The following UGT1A6 variants were observed in gnomAD, a reference collection of about 807,000 sequenced individuals.
UGT1A6 encodes the protein UDP-glucuronosyltransferase 1A6.
In UGT1A6, 32 loss-of-function variants were observed where a neutral mutation model predicts 44.4. The ratio of observed to expected loss-of-function variants is 0.72; its 90% CI spans 0.54 to 0.97. UGT1A6 has a LOEUF of 0.97. UGT1A6 is among the 50% of genes least tolerant of loss of function. The probability of loss-of-function intolerance (pLI) is 0.00; values close to 1 mark genes in which losing one functional copy is unlikely to be tolerated. For synonymous variants in UGT1A6, 238 were observed against 248.5 expected, an observed-to-expected ratio of 0.96 and a Z score of 0.40; for missense variants, 685 against 661.9, an observed-to-expected ratio of 1.03 and a Z score of -0.38.
intron 1 of UGT1A6, among the ~76,000 whole-genome samples, chr2:233,712,596 T>C (rs897261003): frequency 1.3e-5 from 2 of 152,068 alleles, no homozygotes; most frequent in African/African-American, 2.4e-5. Context: ...GACCATATGG[T>C]TGGGGACTAG....
chr2:233,730,227 G>A (rs1389808961), intron 1 of UGT1A6, among the ~76,000 whole-genome samples: 1 of 152,112 alleles, frequency 6.6e-6, no homozygotes, highest in Admixed American at 6.5e-5. Context: ...TTTGTAAAAG[G>A]ATGGACAAGG....
At chr2:233,743,679 C>G (rs773832305) in intron 1 of UGT1A6, 3 of 1,367,098 alleles carry the variant, frequency 2.2e-6, no homozygotes, top group African/African-American at 3.0e-5. Context: ...AAGGGCCTGC[C>G]GCCTGTGCAG....
chr2:233,749,830 G>A (rs1694282037), intron 1 of UGT1A6, among the ~76,000 whole-genome samples: 1 of 151,888 alleles, frequency 6.6e-6, no homozygotes, highest in African/African-American at 2.4e-5. Flanking sequence ...TCTCTTTCAT[G>A]TAAGACGTGT....
intron 4 of UGT1A6, 47 bp downstream of exon 4, chr2:233,768,486 T>A: frequency 1.3e-6 from 2 of 1,583,238 alleles, no homozygotes; most frequent in East Asian, 2.3e-5. Context: ...GCATTCATGA[T>A]AAAATTGTTT....
chr2:233,753,266 G>A (rs1351102535), intron 1 of UGT1A6: 2 of 152,220 alleles, frequency 1.3e-5, no homozygotes, highest in South Asian at 2.1e-4. Flanking sequence ...CAGGCACCTT[G>A]GAGCATGTTG....
At chr2:233,742,803 G>T (rs1329943458) in intron 1 of UGT1A6, 1 of 153,428 alleles carries the variant, frequency 6.5e-6, no homozygotes, top group African/African-American at 2.4e-5. Context: ...TAAGCCAGAA[G>T]TATTGATATT....
At chr2:233,719,526 T>C (rs1307558571) in intron 1 of UGT1A6, 1 of 1,613,852 alleles carries the variant, frequency 6.2e-7, no homozygotes, top group Admixed American at 1.7e-5. Flanking sequence ...AAGTCTTGCC[T>C]CTGAGCTTTT....
chr2:233,768,093 C>G (rs1004945846), intron 3 of UGT1A6, 127 bp from the exon 4 acceptor site: 31 of 1,591,334 alleles, frequency 1.9e-5, no homozygotes, highest in Non-Finnish European at 2.5e-5. Context: ...CCCACATTTT[C>G]TTCTGCAAAT....
chr2:233,743,403 G>A (rs1209113802), intron 1 of UGT1A6: 4 of 1,297,134 alleles, frequency 3.1e-6, no homozygotes, highest in South Asian at 1.2e-5. Flanking sequence ...AGGAAGAAAG[G>A]CCCCCACTTC....
chr2:233,737,601 C>T (rs2078898961), intron 1 of UGT1A6, among the ~76,000 whole-genome samples: 1 of 152,178 alleles, frequency 6.6e-6, no homozygotes, highest in African/African-American at 2.4e-5. Flanking sequence ...GAACCAGGTA[C>T]CTCAGTTGGA....
chr2:233,704,184 C>G (rs2075771815), intron 1 of UGT1A6, among the ~76,000 whole-genome samples: 1 of 151,754 alleles, frequency 6.6e-6, no homozygotes, highest in Admixed American at 6.6e-5. Flanking sequence ...AGCCACTGTG[C>G]CTGGCCCCAT....
chr2:233,749,355 G>C (rs1054552103), intron 1 of UGT1A6, among the ~76,000 whole-genome samples: 3 of 151,804 alleles, frequency 2.0e-5, no homozygotes, highest in African/African-American at 4.9e-5. Flanking sequence ...AATTTAAATA[G>C]TGACTCTTGC....
intron 1 of UGT1A6, among the ~76,000 whole-genome samples, chr2:233,714,305 A>G (rs1432172867): frequency 6.6e-6 from 1 of 152,218 alleles, no homozygotes; most frequent in East Asian, 1.9e-4. Context: ...CTTGCAAAAG[A>G]TAGAGAGGTG....
intron 1 of UGT1A6, among the ~76,000 whole-genome samples, chr2:233,735,014 T>A (rs902605197): frequency 6.6e-6 from 1 of 152,232 alleles, no homozygotes; most frequent in Non-Finnish European, 1.5e-5. Flanking sequence ...GAGAGTTCTG[T>A]AGATGTCTAT....
chr2:233,767,753 C>G, intron 2 of UGT1A6, 96 bp from the exon 3 acceptor site: 1 of 1,599,056 alleles, frequency 6.3e-7, no homozygotes, highest in Non-Finnish European at 8.5e-7. Context: ...AAGACTGTTC[C>G]TTCAGAGGAC....
At chr2:233,758,427 T>A (rs1366242338) in intron 1 of UGT1A6, among the ~76,000 whole-genome samples, 1 of 152,228 alleles carries the variant, frequency 6.6e-6, no homozygotes, top group African/African-American at 2.4e-5. Flanking sequence ...GCAAATGAAC[T>A]CACACAGCAT....
At chr2:233,732,938 A>G (rs2078338826) in intron 1 of UGT1A6, among the ~76,000 whole-genome samples, 1 of 152,098 alleles carries the variant, frequency 6.6e-6, no homozygotes, top group South Asian at 2.1e-4. Flanking sequence ...CTTCCTATCC[A>G]TGAGCATGGA....
At chr2:233,701,688 A>T (rs1575472004) in intron 1 of UGT1A6, among the ~76,000 whole-genome samples, 1 of 152,212 alleles carries the variant, frequency 6.6e-6, no homozygotes, top group African/African-American at 2.4e-5. Context: ...GAATTAAGAA[A>T]ATCACTCAAA....
Position 233,742,350 on chromosome 2 carries a change from T to G in UGT1A6, c.862-24684T>G, listed in dbSNP as rs566927246. On this transcript the variant is annotated intron_variant, in intron 1 of 4. Transcript: ENST00000305139. ...CAAAGGGATGGGCTCTGGCTAATTATCTGCAGCAGAAACATGTCCTTAAGG... is the reference window on the plus strand; with the variant it reads ...CAAAGGGATGGGCTCTGGCTAATTAGCTGCAGCAGAAACATGTCCTTAAGG... Among the ~76,000 whole-genome samples, 10 of 152,136 alleles carry G rather than the reference T, an allele frequency of 6.6e-5. No homozygotes were observed. The East Asian group carries it at 9.6e-4, about 15-fold the overall frequency.
Sources: allele counts gnomAD v4.1 joint callset (sites outside exome capture counted in the v4.1 genomes callset), GRCh38; gene constraint gnomAD v4.1.1; transcripts MANE v1.5; gene names NCBI Gene and HGNC (gene_info 2026-07-23, HGNC 2026-07-21).